GABRG3: variants seen among roughly 807,000 people sequenced by gnomAD.
The protein encoded by GABRG3 is gamma-aminobutyric acid receptor subunit gamma-3.
GABRG3 carries 25 observed loss-of-function variants against 48.8 expected under a neutral mutation model. The ratio of observed to expected loss-of-function variants is 0.51; its 90% CI spans 0.37 to 0.72. The LOEUF (loss-of-function observed/expected upper bound fraction) is 0.72, where lower values mean the gene tolerates loss of function less well. GABRG3 is among the 30% of genes least tolerant of loss of function. GABRG3 has a pLI of 0.00. For synonymous variants in GABRG3, 227 were observed against 217.6 expected, an observed-to-expected ratio of 1.04 and a Z score of -0.38; for missense variants, 394 against 577.9, an observed-to-expected ratio of 0.68 and a Z score of 3.26.
chr15:27,174,095 TA>T (rs147295511), intron 3 of GABRG3, among the ~76,000 whole-genome samples: 1 of 150,712 alleles, frequency 6.6e-6, no homozygotes, highest in Non-Finnish European at 1.5e-5. Context: ...AATACGGACT[TA>T]AAAAAAAACG....
chr15:27,125,590 C>T (rs1164737468), intron 3 of GABRG3, among the ~76,000 whole-genome samples: 1 of 152,030 alleles, frequency 6.6e-6, no homozygotes, highest in Non-Finnish European at 1.5e-5. Context: ...ACTCTGTATT[C>T]CATAAACATG....
chr15:27,377,906 T>G (rs995369947), intron 5 of GABRG3, among the ~76,000 whole-genome samples: 3 of 152,226 alleles, frequency 2.0e-5, no homozygotes, highest in African/African-American at 7.2e-5. Context: ...TCTGAACTCC[T>G]TTGAGGCTTT....
At chr15:27,420,554 A>T (rs897943607) in intron 5 of GABRG3, 2 of 152,220 alleles carry the variant, frequency 1.3e-5, no homozygotes, top group Admixed American at 6.5e-5. Flanking sequence ...CACACAAAAA[A>T]TCTAGTAACC....
At chr15:27,105,203 T>C (rs1272710598) in intron 3 of GABRG3, among the ~76,000 whole-genome samples, 2 of 152,070 alleles carry the variant, frequency 1.3e-5, no homozygotes, top group African/African-American at 4.8e-5. Flanking sequence ...CGTTACATAA[T>C]GATAAAAGGA....
chr15:27,306,634 A>G (rs1892488268), intron 3 of GABRG3, among the ~76,000 whole-genome samples: 1 of 114,950 alleles, frequency 8.7e-6, no homozygotes, highest in Non-Finnish European at 1.7e-5. Context: ...ATATAAACAT[A>G]TATTTATATA....
intron 3 of GABRG3, among the ~76,000 whole-genome samples, chr15:27,050,332 G>A (rs909290691): frequency 6.6e-6 from 1 of 152,240 alleles, no homozygotes; most frequent in African/African-American, 2.4e-5. Flanking sequence ...GCCCCCTGGT[G>A]ACCCCAAACT....
rs982187563 is a variant in GABRG3 at position 27,134,301 on chromosome 15, G to A, written c.270+107480G>A. On this transcript the variant is annotated intron_variant, in intron 3 of 9. Transcript: ENST00000615808. ...TACTAAACACAGGATTTGTGCAAGA[G>A]ACAAAACAGCCCTTGTCCTAGACAT... 8.2e-4 allele frequency among the ~76,000 whole-genome samples: 125 copies of A among 152,132 alleles called. 1 individual carries two copies. The highest frequency in any genetic ancestry group is 3.0e-3 in the African/African-American group (123 of 41,424).
intron 9 of GABRG3, chr15:27,530,712 A>T (rs1017832705): frequency 2.1e-6 from 1 of 471,038 alleles, no homozygotes; most frequent in Admixed American, 2.3e-5. Context: ...TCCCCGTCTA[A>T]GTCAGAATCT....
intron 3 of GABRG3, among the ~76,000 whole-genome samples, chr15:27,129,093 G>A (rs1897871530): frequency 6.6e-6 from 1 of 152,110 alleles, no homozygotes. Flanking sequence ...ATCATTTTGA[G>A]GGTATAGTTC....
chr15:27,469,742 A>T (rs1444824755), intron 5 of GABRG3, among the ~76,000 whole-genome samples: 1 of 152,182 alleles, frequency 6.6e-6, no homozygotes, highest in Non-Finnish European at 1.5e-5. Context: ...GGCTGACTAT[A>T]TTCTCATGGT....
intron 3 of GABRG3, among the ~76,000 whole-genome samples, chr15:27,148,135 C>CTGACTT (rs1898243508): frequency 6.6e-6 from 1 of 151,858 alleles, no homozygotes; most frequent in African/African-American, 2.4e-5. Flanking sequence ...GACACTACTA[C>CTGACTT]TGACTTCATG....
intron 3 of GABRG3, among the ~76,000 whole-genome samples, chr15:27,053,711 T>C (rs528915946): frequency 6.6e-6 from 1 of 152,166 alleles, no homozygotes; most frequent in South Asian, 2.1e-4. Context: ...AGCAAAGACA[T>C]GGAATGAACC....
At chr15:27,063,553 T>A (rs774753764) in intron 3 of GABRG3, among the ~76,000 whole-genome samples, 1 of 152,210 alleles carries the variant, frequency 6.6e-6, no homozygotes, top group Non-Finnish European at 1.5e-5. Context: ...GTGATGCGCC[T>A]TCTGCCCGTG....
intron 6 of GABRG3, among the ~76,000 whole-genome samples, chr15:27,513,834 A>C (rs563312124): frequency 3.3e-5 from 5 of 152,350 alleles, no homozygotes; most frequent in African/African-American, 1.2e-4. Context: ...ATATAAATGT[A>C]ATGTAATTTA....
chr15:27,243,630 G>A (rs1890191795), intron 3 of GABRG3, among the ~76,000 whole-genome samples: 1 of 152,142 alleles, frequency 6.6e-6, no homozygotes, highest in Non-Finnish European at 1.5e-5. Context: ...CAGAGTTTGT[G>A]GTTTTGCCTC....
chr15:27,378,736 A>C (rs1895675668), intron 5 of GABRG3, among the ~76,000 whole-genome samples: 1 of 152,210 alleles, frequency 6.6e-6, no homozygotes, highest in African/African-American at 2.4e-5. Context: ...CAGGGCAACA[A>C]TTTCACTGAC....
At chr15:27,416,385 G>T (rs1887940193) in intron 5 of GABRG3, among the ~76,000 whole-genome samples, 1 of 152,084 alleles carries the variant, frequency 6.6e-6, no homozygotes, top group South Asian at 2.1e-4. Context: ...CCTGCCCTCA[G>T]GTCAGTAGGG....
intron 5 of GABRG3, among the ~76,000 whole-genome samples, chr15:27,443,593 G>A (rs1226325868): frequency 6.6e-6 from 1 of 152,064 alleles, no homozygotes; most frequent in Non-Finnish European, 1.5e-5. Flanking sequence ...TCTACATACA[G>A]GATTATGTTT....
chr15:27,233,598 C>T (rs999924072), intron 3 of GABRG3, among the ~76,000 whole-genome samples: 1 of 152,160 alleles, frequency 6.6e-6, no homozygotes, highest in Non-Finnish European at 1.5e-5. Context: ...GCTCCACCCT[C>T]ATGACCTAAT....
Sources: gnomAD v4.1 joint callset for allele counts (sites outside exome capture counted in the v4.1 genomes callset) on GRCh38, gnomAD v4.1.1 for gene constraint, MANE v1.5 for transcripts, NCBI Gene and HGNC (gene_info 2026-07-23, HGNC 2026-07-21) for gene names.